The following SLC9A9 variants were observed in gnomAD, a reference collection of about 807,000 sequenced individuals.
SLC9A9 encodes solute carrier family 9 member A9, also known as sodium/hydrogen exchanger 9.
In SLC9A9, 62 loss-of-function variants were observed where a neutral mutation model predicts 77.8. The ratio of observed to expected loss-of-function variants is 0.80; its 90% CI spans 0.65 to 0.98. The LOEUF is 0.98. Among genes scored for constraint, SLC9A9 ranks in the 50% least tolerant of loss-of-function variants. SLC9A9 has a pLI of 0.00. For missense variants in SLC9A9, 775 were observed against 774.9 expected, an observed-to-expected ratio of 1.00 and a Z score of 0.00; for synonymous variants, 320 against 283.5, an observed-to-expected ratio of 1.13 and a Z score of -1.29.
chr3:143,721,249 C>A (rs1182336513), intron 4 of SLC9A9, among the ~76,000 whole-genome samples: 1 of 152,134 alleles, frequency 6.6e-6, no homozygotes, highest in Non-Finnish European at 1.5e-5. Context: ...AAAGAAGTCC[C>A]CTCTTTAAGT....
chr3:143,549,856 G>GA (rs573513156), intron 9 of SLC9A9, among the ~76,000 whole-genome samples: 67 of 152,158 alleles, frequency 4.4e-4, no homozygotes, highest in African/African-American at 1.5e-3. Flanking sequence ...AAGAGGTTAG[G>GA]AAAAAAACAG....
At chr3:143,621,145 A>G (rs999981555) in intron 6 of SLC9A9, among the ~76,000 whole-genome samples, 1 of 152,324 alleles carries the variant, frequency 6.6e-6, no homozygotes, top group African/African-American at 2.4e-5. Flanking sequence ...AGCCCACCAC[A>G]GCTCAAGGAT....
At chr3:143,792,117 T>A (rs746139524) in intron 4 of SLC9A9, among the ~76,000 whole-genome samples, 1 of 152,212 alleles carries the variant, frequency 6.6e-6, no homozygotes, top group Middle Eastern at 3.2e-3. Flanking sequence ...AGTATCTACT[T>A]AATAGGATTA....
chr3:143,414,279 A>G (rs369220552), intron 12 of SLC9A9, among the ~76,000 whole-genome samples: 2 of 152,168 alleles, frequency 1.3e-5, no homozygotes, highest in East Asian at 3.8e-4. Flanking sequence ...ATATGTGTAT[A>G]TGTCTGCATA....
At chr3:143,833,354 G>A (rs1057036599) in intron 1 of SLC9A9, among the ~76,000 whole-genome samples, 20 of 152,150 alleles carry the variant, frequency 1.3e-4, no homozygotes, top group East Asian at 1.9e-4. Flanking sequence ...ACAGGAGCTC[G>A]TTTGTATAAG....
chr3:143,794,049 G>A (rs530834734), intron 4 of SLC9A9, among the ~76,000 whole-genome samples: 1 of 152,168 alleles, frequency 6.6e-6, no homozygotes, highest in East Asian at 1.9e-4. Flanking sequence ...ACTTGTTCTA[G>A]GCTCAACTCA....
At chr3:143,460,236 C>T (rs147650077) in intron 12 of SLC9A9, among the ~76,000 whole-genome samples, 21 of 152,200 alleles carry the variant, frequency 1.4e-4, no homozygotes, top group Non-Finnish European at 2.2e-4. Context: ...GTTTATTCCC[C>T]GAATATGTCT....
intron 4 of SLC9A9, among the ~76,000 whole-genome samples, chr3:143,785,885 T>C (rs2008039166): frequency 7.0e-6 from 1 of 143,700 alleles, no homozygotes; most frequent in Non-Finnish European, 1.5e-5. Context: ...GAGACGGAGT[T>C]TCGCTCTGTC....
At position 143,273,243 on chromosome 3, in the gene SLC9A9, C is replaced by T. The variant is rs560668185; in HGVS notation, c.1605-4263G>A. Among the ~76,000 whole-genome samples the T allele has an allele frequency of 2.5e-4, 38 of 152,346 alleles. No homozygotes were observed. The South Asian group carries it at 7.7e-3, about 31-fold the overall frequency. ...GCACCTGCTCCTTTGAAGGACTAAA[C>T]TCCATTGCACCTATGTGGACTGAAT... On this transcript the variant is annotated intron_variant, in intron 14 of 15. Coordinates refer to ENST00000316549, the MANE Select transcript of SLC9A9 (RefSeq NM_173653.4).
chr3:143,781,535 G>T (rs2007883043), intron 4 of SLC9A9, among the ~76,000 whole-genome samples: 1 of 152,184 alleles, frequency 6.6e-6, no homozygotes. Context: ...CTGAAGAAAA[G>T]ATTGAGTAAG....
intron 9 of SLC9A9, chr3:143,504,104 G>A: frequency 2.0e-6 from 1 of 493,352 alleles, no homozygotes; most frequent in South Asian, 1.5e-5. Flanking sequence ...ATGGTACTGT[G>A]GAACTTGCCA....
intron 6 of SLC9A9, among the ~76,000 whole-genome samples, chr3:143,596,123 CAT>C (rs1211390474): frequency 6.6e-6 from 1 of 151,996 alleles, no homozygotes; most frequent in Non-Finnish European, 1.5e-5. Flanking sequence ...CAGGGTACGA[CAT>C]AGTTTAGTAA....
At chr3:143,503,290 G>T in intron 9 of SLC9A9, 1 of 274,804 alleles carries the variant, frequency 3.6e-6, no homozygotes, top group South Asian at 3.7e-5. Flanking sequence ...AGGCCATGTG[G>T]ACCATAAGGC....
intron 5 of SLC9A9, among the ~76,000 whole-genome samples, chr3:143,669,961 A>G (rs967692932): frequency 3.3e-5 from 5 of 152,246 alleles, no homozygotes; most frequent in Non-Finnish European, 7.3e-5. Flanking sequence ...AGTCCAGTAT[A>G]AAATGGAATG....
chr3:143,465,448 T>A (rs1379806716), intron 12 of SLC9A9, among the ~76,000 whole-genome samples: 2 of 152,216 alleles, frequency 1.3e-5, no homozygotes, highest in Admixed American at 6.5e-5. Flanking sequence ...GGATAAAACA[T>A]GTTACTGATT....
intron 12 of SLC9A9, among the ~76,000 whole-genome samples, chr3:143,385,266 G>A (rs527610768): frequency 6.6e-6 from 1 of 151,802 alleles, no homozygotes; most frequent in African/African-American, 2.4e-5. Context: ...GACTAACCCT[G>A]ACAGTCAAAT....
chr3:143,536,277 T>A (rs1488452505), intron 9 of SLC9A9, among the ~76,000 whole-genome samples: 1 of 152,144 alleles, frequency 6.6e-6, no homozygotes, highest in Admixed American at 6.5e-5. Context: ...TCCAGTCCCA[T>A]TTTCCCACCC....
intron 14 of SLC9A9, among the ~76,000 whole-genome samples, chr3:143,276,927 A>G (rs1158332213): frequency 6.6e-6 from 1 of 152,242 alleles, no homozygotes; most frequent in Non-Finnish European, 1.5e-5. Context: ...ATGATTAAGT[A>G]TTAATAATGA....
chr3:143,348,353 T>C (rs1333298568), intron 14 of SLC9A9, among the ~76,000 whole-genome samples: 1 of 152,206 alleles, frequency 6.6e-6, no homozygotes, highest in African/African-American at 2.4e-5. Context: ...ATTTCTTTCA[T>C]TTTCATGTAA....
Sources: allele counts gnomAD v4.1 joint callset (sites outside exome capture counted in the v4.1 genomes callset), GRCh38; gene constraint gnomAD v4.1.1; transcripts MANE v1.5; gene names NCBI Gene and HGNC (gene_info 2026-07-23, HGNC 2026-07-21).